HM13: variants seen among roughly 807,000 people sequenced by gnomAD.
HM13 encodes the protein histocompatibility minor 13.
Under a neutral mutation model 50.0 loss-of-function variants are expected in HM13, and 18 were observed. The ratio of observed to expected loss-of-function variants is 0.36; its 90% CI spans 0.25 to 0.53. The LOEUF (loss-of-function observed/expected upper bound fraction) is 0.53, where lower values mean the gene tolerates loss of function less well. Among genes scored for constraint, HM13 ranks in the 20% least tolerant of loss-of-function variants. HM13 has a pLI of 0.90. For synonymous variants in HM13, 197 were observed against 232.6 expected, an observed-to-expected ratio of 0.85 and a Z score of 1.39; for missense variants, 393 against 552.4, an observed-to-expected ratio of 0.71 and a Z score of 2.89.
At chr20:31,544,344 G>T (rs997290690) in intron 3 of HM13, among the ~76,000 whole-genome samples, 2 of 152,232 alleles carry the variant, frequency 1.3e-5, no homozygotes, top group African/African-American at 4.8e-5. Context: ...AATGCTTCTA[G>T]AGACGAGGCC....
intron 3 of HM13, 84 bp from the exon 4 acceptor site, chr20:31,544,863 C>G (rs1213278423): frequency 4.8e-6 from 5 of 1,037,422 alleles, no homozygotes; most frequent in Non-Finnish European, 7.6e-6. Flanking sequence ...TGTAAGGGTG[C>G]CAGCTGTAAA....
At chr20:31,527,385 C>CA (rs1982554429) in intron 1 of HM13, 99 bp from the exon 2 acceptor site, 1 of 772,846 alleles carries the variant, frequency 1.3e-6, no homozygotes, top group Non-Finnish European at 2.1e-6. Context: ...CAGGATGAGG[C>CA]AGGCAGCATC....
chr20:31,561,564 T>G, intron 9 of HM13, 70 bp from the exon 10 acceptor site: 1 of 1,086,742 alleles, frequency 9.2e-7, no homozygotes, highest in Non-Finnish European at 1.4e-6. Context: ...CCCAGCTCCC[T>G]CAGAAGGGGT....
chr20:31,539,294 T>C (rs1381881229), intron 3 of HM13: 27 of 985,370 alleles, frequency 2.7e-5, no homozygotes, highest in African/African-American at 3.5e-5. Flanking sequence ...TATGTTTCTT[T>C]CTGCCCCGTT....
At chr20:31,539,873 C>A (rs868722890) in intron 3 of HM13, 2 of 151,884 alleles carry the variant, frequency 1.3e-5, no homozygotes, top group Middle Eastern at 3.2e-3. Flanking sequence ...GTCAGGAGCA[C>A]AGGGTCAAGA....
At chr20:31,541,350 G>A (rs191635249) in intron 3 of HM13, 6 of 152,102 alleles carry the variant, frequency 3.9e-5, no homozygotes, top group African/African-American at 1.5e-4. Context: ...GTATGGTGGT[G>A]CGTGCCTGTG....
intron 2 of HM13, among the ~76,000 whole-genome samples, chr20:31,528,715 G>A (rs1982639121): frequency 6.6e-6 from 1 of 152,232 alleles, no homozygotes; most frequent in Non-Finnish European, 1.5e-5. Flanking sequence ...CTGACCTCAT[G>A]ATCCACCCGC....
Position 31,550,433 on chromosome 20 carries a change from C to G in HM13, c.724+312C>G, listed in dbSNP as rs538968896. The G allele has an allele frequency of 3.5e-4, 114 of 328,284 alleles. 1 individual carries two copies. The highest frequency in any genetic ancestry group is 9.3e-5 in the Non-Finnish European group (16 of 172,076). 20.3% of individuals were successfully genotyped at this position (328,284 alleles called of 1,614,324 possible). On this transcript the variant is annotated intron_variant, in intron 7 of 12. Transcript: ENST00000398174. ...AGGGGCTTTCCAGGAGAGAAAACCT[C>G]TAAGCCGAGACCCCTCACTGGGGTC...
At chr20:31,540,209 C>G (rs1208463631) in intron 3 of HM13, 1 of 152,412 alleles carries the variant, frequency 6.6e-6, no homozygotes, top group East Asian at 1.9e-4. Flanking sequence ...TAGTCCAGCC[C>G]CGCATCCTGA....
At position 31,559,502 on chromosome 20, in the gene HM13, A is replaced by G. The variant is rs536465635; in HGVS notation, c.809-109A>G. ...GTATTGGCCACACCCTTGGTCTCCA[A>G]TGATTGCTCCAAGATGGAACACCAG... On this transcript the variant is annotated intron_variant, in intron 8 of 12. Coordinates refer to ENST00000398174, the MANE Select transcript of HM13 (RefSeq NM_178581.3). 1.7e-5 allele frequency: 18 copies of G among 1,080,302 alleles called. No homozygotes were observed. The South Asian group carries it at 1.9e-4, about 11-fold the overall frequency. 66.9% of individuals were successfully genotyped at this position (1,080,302 alleles called of 1,614,324 possible). A position where few individuals can be genotyped will look rare whatever the true frequency, so the allele number is the denominator to read the frequency against.
In HM13 at chr20:31,549,223, A is replaced by G; in HGVS notation, c.557A>G (p.Asn186Ser). Residue 186 changes from asparagine to serine, a missense_variant, in exon 6 of 13, where the codon AAC becomes AGC. Around this residue, in one of 3 missense-constraint regions of HM13, gnomAD observed 214 missense variants for 276.1 expected, o/e 0.77. Coordinates refer to ENST00000398174, the MANE Select transcript of HM13 (RefSeq NM_178581.3). ...TTTCCTCAGCACTGGATTGCCAACA[A>G]CCTTTTTGGCCTGGCCTTCTCCCTT... is the stretch of plus-strand genomic sequence containing the variant. Reference protein sequence around the residue: ...YLLRKHWIANNLFGLAFSLNG... With the variant: ...YLLRKHWIANSLFGLAFSLNG... 4 of 1,614,090 alleles carry G rather than the reference A, an allele frequency of 2.5e-6. No individual in the cohort carries two copies. Among genetic ancestry groups the G allele is most frequent in the Non-Finnish European group, 3.4e-6 (4 of 1,180,006 alleles).
At chr20:31,528,836 C>T (rs1370819997) in intron 2 of HM13, among the ~76,000 whole-genome samples, 1 of 152,038 alleles carries the variant, frequency 6.6e-6, no homozygotes, top group African/African-American at 2.4e-5. Context: ...TCTCAAACTC[C>T]TGGGCTCAAG....
In HM13 at chr20:31,569,140, A is replaced by G; in HGVS notation, c.1202A>G (p.Lys401Arg). The G allele has an allele frequency of 1.3e-6, 2 of 1,586,834 alleles. No individual in the cohort carries two copies. Among genetic ancestry groups the G allele is most frequent in the Non-Finnish European group, 1.7e-6 (2 of 1,165,320 alleles). The change falls in exon 13 of 13, where the codon AAG (lysine) becomes AGG (arginine). Residue 401 changes from lysine to arginine, a missense_variant. Physicochemically the swap from Lys to Arg is conservative, Grantham distance 26. This residue lies in a region of HM13 where 105 missense variants were observed against 115.9 expected (regional missense o/e 0.91). Coordinates refer to ENST00000398174, the MANE Select transcript of HM13 (RefSeq NM_178581.3). ...PSAIYEESNP[K>R]DPAAVTESKE... ...GTCAGTTATGAGGAGTCAAATCCTAAGGATCCAGCGGCAGTGACAGAATCC... is the reference window on the plus strand; with the variant it reads ...GTCAGTTATGAGGAGTCAAATCCTAGGGATCCAGCGGCAGTGACAGAATCC...
At chr20:31,568,057 T>A in intron 11 of HM13, 21 bp from the exon 12 acceptor site, 1 of 1,574,012 alleles carries the variant, frequency 6.4e-7, no homozygotes, top group Non-Finnish European at 8.6e-7. Flanking sequence ...TTTTTCTGTC[T>A]CTTCTCTCTC....
At chr20:31,538,738 C>T in intron 3 of HM13, 4 of 766,872 alleles carry the variant, frequency 5.2e-6, no homozygotes, top group Non-Finnish European at 6.4e-6. Flanking sequence ...CTTAATAGCT[C>T]TGTGATCTTG....
intron 4 of HM13, among the ~76,000 whole-genome samples, chr20:31,546,892 C>T (rs1417994791): frequency 1.3e-5 from 2 of 152,214 alleles, no homozygotes; most frequent in Admixed American, 1.3e-4. Context: ...CAGTGCACTC[C>T]AGCCTGGGCG....
At chr20:31,538,759 T>G in intron 3 of HM13, 1 of 569,152 alleles carries the variant, frequency 1.8e-6, no homozygotes, top group Non-Finnish European at 2.2e-6. Flanking sequence ...GGCAAGTTAC[T>G]TAATCTCTCT....
At chr20:31,532,076 A>T (rs1982850890) in intron 2 of HM13, among the ~76,000 whole-genome samples, 1 of 152,128 alleles carries the variant, frequency 6.6e-6, no homozygotes, top group African/African-American at 2.4e-5. Flanking sequence ...AGTGCACTAA[A>T]TAACATTGGC....
intron 1 of HM13, 102 bp from the exon 2 acceptor site, chr20:31,527,382 A>T: frequency 1.4e-6 from 1 of 735,284 alleles, no homozygotes; most frequent in Non-Finnish European, 2.3e-6. Flanking sequence ...CCCCAGGATG[A>T]GGCAGGCAGC....
Sources: gnomAD v4.1 joint callset for allele counts (sites outside exome capture counted in the v4.1 genomes callset) on GRCh38, gnomAD v4.1.1 for gene constraint, gnomAD v4.1.1 regional missense constraint, MANE v1.5 for transcripts, NCBI Gene and HGNC (gene_info 2026-07-23, HGNC 2026-07-21) for gene names.